The following FRAS1 variants were observed in gnomAD, a reference collection of about 807,000 sequenced individuals.
The protein encoded by FRAS1 is Fraser extracellular matrix complex subunit 1.
Under a neutral mutation model 435.2 loss-of-function variants are expected in FRAS1, and 290 were observed. The observed-to-expected ratio is 0.67, with a 90% confidence interval of 0.61 to 0.73. The LOEUF is 0.73. Among genes scored for constraint, FRAS1 ranks in the 30% least tolerant of loss-of-function variants. The pLI is 0.00. For missense variants in FRAS1, 4,860 were observed against 5,001.5 expected, an observed-to-expected ratio of 0.97 and a Z score of 0.85; for synonymous variants, 1,800 against 1,851.0, an observed-to-expected ratio of 0.97 and a Z score of 0.71.
At chr4:78,511,606 A>G in intron 64 of FRAS1, 100 bp downstream of exon 64, 1 of 939,638 alleles carries the variant, frequency 1.1e-6, no homozygotes, top group South Asian at 1.4e-5. Flanking sequence ...CTTCTGCATG[A>G]TAAAAATGTG....
In FRAS1 at chr4:78,488,741, G is replaced by A. The variant is rs971758366; in HGVS notation, c.8753-134G>A. 3 of 700,990 alleles carry A rather than the reference G, an allele frequency of 4.3e-6. No homozygotes were observed. In the Admixed American group the frequency reaches 8.0e-5, roughly 19 times the overall value. The allele number at this position is 700,990 out of a possible 1,614,324, so 43.4% of individuals were successfully genotyped here. A position where few individuals can be genotyped will look rare whatever the true frequency, so the allele number is the denominator to read the frequency against. On this transcript the variant is annotated intron_variant, in intron 58 of 73. Coordinates refer to ENST00000512123, the MANE Select transcript of FRAS1 (RefSeq NM_025074.7). ...ATGCTTTGGAATCTGCTTGCCACCT[G>A]TGATTTGTCAGCCTACCTTGGGCTT...
intron 2 of FRAS1, among the ~76,000 whole-genome samples, chr4:78,086,169 A>G (rs1013410262): frequency 8.5e-5 from 13 of 152,210 alleles, no homozygotes; most frequent in African/African-American, 7.2e-5. Context: ...CTGCTCCTGA[A>G]TGACTACTGG....
In FRAS1 at chr4:78,532,335, C is replaced by G. The variant is rs559137024; in HGVS notation, c.10926-2114C>G. Among the ~76,000 whole-genome samples, 7 of 152,322 alleles carry G rather than the reference C, an allele frequency of 4.6e-5. No homozygotes were observed. In the South Asian group the frequency reaches 1.4e-3, roughly 32 times the overall value. On this transcript the variant is annotated intron_variant, in intron 70 of 73. Coordinates refer to ENST00000512123, the MANE Select transcript of FRAS1 (RefSeq NM_025074.7). ...GTCTTACTCCATTGCCTGCTTCAAG[C>G]CTTTGCATGTTTTCCTCTCACTGAG...
At chr4:78,081,834 C>G (rs936633832) in intron 2 of FRAS1, among the ~76,000 whole-genome samples, 7 of 152,110 alleles carry the variant, frequency 4.6e-5, no homozygotes, top group Non-Finnish European at 8.8e-5. Flanking sequence ...CTCCTCCCTC[C>G]TTTCTCAAAG....
intron 2 of FRAS1, among the ~76,000 whole-genome samples, chr4:78,079,230 A>G (rs1415354928): frequency 6.6e-6 from 1 of 151,912 alleles, no homozygotes; most frequent in Non-Finnish European, 1.5e-5. Context: ...AGGGGGAAAA[A>G]CCCCATTTTT....
At chr4:78,081,068 G>A (rs1178194498) in intron 2 of FRAS1, among the ~76,000 whole-genome samples, 2 of 152,134 alleles carry the variant, frequency 1.3e-5, no homozygotes, top group Non-Finnish European at 1.5e-5. Flanking sequence ...GAGCTTCAAC[G>A]CTGAAAACAA....
chr4:78,522,795 A>G lies in FRAS1; in HGVS notation c.10795A>G (p.Ser3599Gly). The stretch of plus-strand genomic sequence containing the variant: ...TCCACATCAACTCTGGAGAGCCACA[A>G]GCTCTTATAACAGGTAAATACAGTG... ...DSPHQLWRATSSYNRKDYSGE... is the reference protein window; with the variant it reads ...DSPHQLWRATGSYNRKDYSGE... Residue 3599 changes from serine (S) to glycine (G), a missense_variant, in exon 69 of 74, where the codon AGC becomes GGC. Physicochemically the swap from Ser to Gly is moderately conservative, Grantham distance 56. Coordinates refer to ENST00000512123, the MANE Select transcript of FRAS1 (RefSeq NM_025074.7). 1 of 1,610,508 alleles carries G rather than the reference A, an allele frequency of 6.2e-7. No homozygotes were observed. Among genetic ancestry groups the G allele is most frequent in the African/African-American group, 1.3e-5 (1 of 74,912 alleles).
chr4:78,222,578 G>A (rs1243143569), intron 2 of FRAS1, among the ~76,000 whole-genome samples: 1 of 152,186 alleles, frequency 6.6e-6, no homozygotes, highest in Non-Finnish European at 1.5e-5. Context: ...TTCAGGGGTG[G>A]CAATTTAATT....
chr4:78,454,678 C>T (rs964278646), intron 47 of FRAS1, among the ~76,000 whole-genome samples: 1 of 152,244 alleles, frequency 6.6e-6, no homozygotes, highest in Non-Finnish European at 1.5e-5. Flanking sequence ...CTCATCCACA[C>T]CGTGCAGAGC....
At chr4:78,511,860 G>A (rs1015197306) in intron 64 of FRAS1, among the ~76,000 whole-genome samples, 5 of 152,104 alleles carry the variant, frequency 3.3e-5, no homozygotes, top group Admixed American at 6.5e-5. Context: ...AATACCTACT[G>A]CATGGCATCT....
chr4:78,461,210 T>G (rs1719360017), intron 47 of FRAS1, among the ~76,000 whole-genome samples: 1 of 152,240 alleles, frequency 6.6e-6, no homozygotes, highest in Admixed American at 6.5e-5. Context: ...AGTCTATGAA[T>G]GATTTTTCTT....
rs1368418723 is a variant in FRAS1 at position 78,384,178 on chromosome 4, A to G, written c.3648+35A>G. ...ATGGCCACGTAATTAATAATTTTAC[A>G]TGACTACTAGTTCTCAAGCACGAAA... On this transcript the variant is annotated intron_variant, in intron 28 of 73. Coordinates refer to ENST00000512123, the MANE Select transcript of FRAS1 (RefSeq NM_025074.7). 6.5e-6 allele frequency: 9 copies of G among 1,379,172 alleles called. No homozygotes were observed. The African/African-American group carries it at 1.0e-4, about 16-fold the overall frequency. 85.4% of individuals were successfully genotyped at this position (1,379,172 alleles called of 1,614,324 possible).
intron 56 of FRAS1, among the ~76,000 whole-genome samples, chr4:78,480,626 T>C (rs1424050870): frequency 1.3e-5 from 2 of 152,212 alleles, no homozygotes; most frequent in Non-Finnish European, 2.9e-5. Flanking sequence ...AGTGAAACTT[T>C]CTCATTCATG....
chr4:78,416,656 T>A (rs1387233070), intron 32 of FRAS1, among the ~76,000 whole-genome samples: 1 of 152,150 alleles, frequency 6.6e-6, no homozygotes, highest in East Asian at 1.9e-4. Context: ...AATTCACAGA[T>A]GTGATAAGTG....
intron 14 of FRAS1, among the ~76,000 whole-genome samples, chr4:78,290,469 T>G (rs547662776): frequency 6.6e-6 from 1 of 151,818 alleles, no homozygotes; most frequent in South Asian, 2.1e-4. Context: ...TTCTTTTTTT[T>G]TTTTTGAGAG....
At chr4:78,309,220 T>G (rs1219927781) in intron 15 of FRAS1, among the ~76,000 whole-genome samples, 1 of 152,184 alleles carries the variant, frequency 6.6e-6, no homozygotes, top group Non-Finnish European at 1.5e-5. Flanking sequence ...AGGAACAGAT[T>G]CTACCCCTAA....
intron 4 of FRAS1, among the ~76,000 whole-genome samples, chr4:78,250,646 C>A (rs543225848): frequency 2.6e-4 from 40 of 152,010 alleles, no homozygotes; most frequent in South Asian, 8.3e-4. Flanking sequence ...GTGATAAGCC[C>A]AGGGGAAATA....
intron 2 of FRAS1, among the ~76,000 whole-genome samples, chr4:78,075,566 C>T (rs759361871): frequency 9.2e-5 from 14 of 152,158 alleles, no homozygotes; most frequent in Non-Finnish European, 1.5e-4. Flanking sequence ...GGTGAAGTGG[C>T]AGAGCTCCAG....
chr4:78,451,957 CT>C (rs1482655044), intron 46 of FRAS1, 66 bp downstream of exon 46: 39 of 1,483,928 alleles, frequency 2.6e-5, no homozygotes, highest in Non-Finnish European at 6.4e-6. Flanking sequence ...ATAGTTTACA[CT>C]TTGTTCACCT....
Sources: gnomAD v4.1 joint callset for allele counts (sites outside exome capture counted in the v4.1 genomes callset) on GRCh38, gnomAD v4.1.1 for gene constraint, MANE v1.5 for transcripts, NCBI Gene and HGNC (gene_info 2026-07-23, HGNC 2026-07-21) for gene names.